Variants in RGPD2 observed in about 807,000 individuals in gnomAD.
The protein encoded by RGPD2 is RANBP2 like and GRIP domain containing 2.
RGPD2 carries 2 observed loss-of-function variants against 36.0 expected under a neutral mutation model. The observed-to-expected ratio is 0.06, with a 90% CI of 0.02 to 0.17. The LOEUF (loss-of-function observed/expected upper bound fraction) is 0.17, where lower values mean the gene tolerates loss of function less well. RGPD2 is among the 10% of genes least tolerant of loss of function. The pLI is 1.00. For synonymous variants in RGPD2, 19 were observed against 163.8 expected, an observed-to-expected ratio of 0.12 and a Z score of 6.75; for missense variants, 40 against 464.3, an observed-to-expected ratio of 0.09 and a Z score of 8.40.
the RGPD2 span, among the ~76,000 whole-genome samples, chr2:87,877,045 C>T: frequency 2.0e-5 from 3 of 152,368 alleles, no homozygotes; most frequent in East Asian, 3.9e-4. Context: ...TTCTGCTGTC[C>T]ATTTTCTTGG....
chr2:87,875,398 G>A, the RGPD2 span, among the ~76,000 whole-genome samples: 1 of 152,268 alleles, frequency 6.6e-6, no homozygotes, highest in Non-Finnish European at 1.5e-5. Flanking sequence ...AGTTTATTGA[G>A]AGTTTTTAAC....
chr2:87,953,087 C>T, the RGPD2 span, among the ~76,000 whole-genome samples: 1 of 152,126 alleles, frequency 6.6e-6, no homozygotes, highest in African/African-American at 2.4e-5. Context: ...CTTTTACAAG[C>T]CAATTGCTTT....
At chr2:87,877,024 C>T in the RGPD2 span, among the ~76,000 whole-genome samples, 2 of 152,288 alleles carry the variant, frequency 1.3e-5, no homozygotes, top group South Asian at 2.1e-4. Context: ...AGAATTGCAA[C>T]CCCTGCTTTT....
At chr2:87,825,453 C>T (rs1377916849) in intron 1 of RGPD2, among the ~76,000 whole-genome samples, 1 of 105,508 alleles carries the variant, frequency 9.5e-6, no homozygotes, top group Admixed American at 8.8e-5. Context: ...CCGGCCAGGC[C>T]GAGGCCGAGG....
chr2:87,877,202 C>G, the RGPD2 span, among the ~76,000 whole-genome samples: 4 of 151,520 alleles, frequency 2.6e-5, no homozygotes, highest in African/African-American at 9.7e-5. Flanking sequence ...GCCCATTTAC[C>G]TTTAAGGTTA....
chr2:87,853,337 C>T, the RGPD2 span, among the ~76,000 whole-genome samples: 1 of 152,228 alleles, frequency 6.6e-6, no homozygotes, highest in Non-Finnish European at 1.5e-5. Flanking sequence ...TTCCTCCTGC[C>T]TCAGCCTCCT....
At chr2:87,798,736 C>T (rs1217312085) in intron 8 of RGPD2, among the ~76,000 whole-genome samples, 5 of 134,022 alleles carry the variant, frequency 3.7e-5, no homozygotes, top group South Asian at 4.9e-4. Flanking sequence ...GCCCTGGTGG[C>T]GGGCGCCTGT....
chr2:87,886,365 T>C, the RGPD2 span, among the ~76,000 whole-genome samples: 8 of 151,586 alleles, frequency 5.3e-5, no homozygotes, highest in Non-Finnish European at 7.4e-5. Context: ...TACTATTTGA[T>C]AGCTTTTATT....
At chr2:87,913,052 A>G in the RGPD2 span, among the ~76,000 whole-genome samples, 15 of 152,170 alleles carry the variant, frequency 9.9e-5, no homozygotes, top group African/African-American at 3.6e-4. Context: ...AATTATGTAA[A>G]TAAAATGGTA....
In RGPD2 at chr2:87,771,990, TAC is replaced by T. The variant is rs1424021475; in HGVS notation, c.5236+177_5236+178del. Among the ~76,000 whole-genome samples the T allele has an allele frequency of 6.6e-5, 10 of 152,264 alleles. No homozygotes were observed. In the South Asian group the frequency reaches 8.3e-4, roughly 13 times the overall value. On this transcript the variant is annotated intron_variant, in intron 22 of 22. Transcript: ENST00000398146. ...GAACGTTAAAATTATATAAATGTAC[TAC>T]AGTTGCCTCAAGATGTTAAAAAGTC...
At chr2:87,884,006 G>C in the RGPD2 span, among the ~76,000 whole-genome samples, 5 of 151,836 alleles carry the variant, frequency 3.3e-5, no homozygotes, top group Non-Finnish European at 7.4e-5. Flanking sequence ...TTTTTCTCAA[G>C]TGCACAAGGA....
the RGPD2 span, among the ~76,000 whole-genome samples, chr2:87,866,796 G>A: frequency 6.6e-6 from 1 of 151,938 alleles, no homozygotes; most frequent in Non-Finnish European, 1.5e-5. Flanking sequence ...CAGTCTCAGG[G>A]GCCAGGGGCC....
chr2:87,914,971 A>G, the RGPD2 span, among the ~76,000 whole-genome samples: 2 of 152,098 alleles, frequency 1.3e-5, no homozygotes, highest in Admixed American at 1.3e-4. Flanking sequence ...AACATGGGGA[A>G]ACCCTGTCTC....
the RGPD2 span, among the ~76,000 whole-genome samples, chr2:87,927,543 A>G: frequency 1.3e-5 from 2 of 151,318 alleles, no homozygotes; most frequent in Non-Finnish European, 3.0e-5. Flanking sequence ...CAACAGAACA[A>G]CTAAGAAGTG....
rs1325349308 is a variant in RGPD2, at chr2:87,807,380, G to GTCTT, written c.780-490_780-489insAAGA. On this transcript the variant is annotated intron_variant, in intron 6 of 22. Coordinates refer to ENST00000398146, the MANE Select transcript of RGPD2 (RefSeq NM_001078170.3). ...ATATAGATCATTACAGCGTTAAATT[G>GTCTT]TTTTTTTTTTTTTTTTTTTTTTTTG... Among the ~76,000 whole-genome samples, 46 of 81,882 alleles carry GTCTT rather than the reference G, an allele frequency of 5.6e-4. 1 individual carries two copies. Among genetic ancestry groups the GTCTT allele is most frequent in the African/African-American group, 2.2e-3 (34 of 15,556 alleles). The allele number at this position is 81,882 out of a possible 152,430, so 53.7% of individuals were successfully genotyped here.
the RGPD2 span, among the ~76,000 whole-genome samples, chr2:87,917,472 T>A: frequency 2.2e-5 from 1 of 45,050 alleles, no homozygotes; most frequent in Non-Finnish European, 4.3e-5. Context: ...TAGGTATGAG[T>A]CACCATGCCT....
chr2:87,892,939 T>G, the RGPD2 span, among the ~76,000 whole-genome samples: 45 of 148,718 alleles, frequency 3.0e-4, no homozygotes, highest in African/African-American at 1.0e-3. Flanking sequence ...TTAATTCATG[T>G]GTTTGCTTCC....
At chr2:87,974,129 T>C in the RGPD2 span, among the ~76,000 whole-genome samples, 1 of 145,430 alleles carries the variant, frequency 6.9e-6, no homozygotes, top group Non-Finnish European at 1.5e-5. Flanking sequence ...TGAGGTTCTT[T>C]TTGTTAGCCA....
the RGPD2 span, among the ~76,000 whole-genome samples, chr2:87,988,543 T>TA: frequency 0.012 from 332 of 27,820 alleles, 20 homozygotes; most frequent in Middle Eastern, 0.096. Flanking sequence ...ATATATATAT[T>TA]TTTTTTTTTT....
Sources: allele counts gnomAD v4.1 joint callset (sites outside exome capture counted in the v4.1 genomes callset), GRCh38; gene constraint gnomAD v4.1.1; transcripts MANE v1.5; gene names NCBI Gene and HGNC (gene_info 2026-07-23, HGNC 2026-07-21).